Variants in UNC80 observed in about 807,000 individuals in gnomAD.
The protein encoded by UNC80 is protein unc-80 homolog.
UNC80 carries 164 observed loss-of-function variants against 384.6 expected under a neutral mutation model. The observed-to-expected ratio is 0.43, with a 90% CI of 0.38 to 0.49. UNC80 has a LOEUF of 0.49. Ranked by LOEUF, UNC80 falls within the 20% of genes least tolerant of loss-of-function variation. The pLI, the probability that UNC80 is intolerant of heterozygous loss-of-function variation, is 0.00. For synonymous variants in UNC80, 1,486 were observed against 1,527.8 expected, an observed-to-expected ratio of 0.97 and a Z score of 0.64; for missense variants, 3,330 against 4,143.0, an observed-to-expected ratio of 0.80 and a Z score of 5.39.
In UNC80 at chr2:209,969,780, G is replaced by A. The variant is rs2092831235; in HGVS notation, c.8019G>A (p.Glu2673=). 6.4e-7 allele frequency: 1 copy of A among 1,551,604 alleles called. No homozygotes were observed. The highest frequency in any genetic ancestry group is 8.7e-7 in the Non-Finnish European group (1 of 1,146,992). Residue 2673 remains glutamate, a synonymous_variant, in exon 53 of 65, where the codon GAG becomes GAA. Coordinates refer to ENST00000673920, the MANE Select transcript of UNC80 (RefSeq NM_001371986.1). ...TATTGTATTCCAGGCGACAGGTTGA[G>A]TGGGAGCCTGCCAGCAATTTGATTG... ...HKMPTLRRQV[E]WEPASNLIEG...
chr2:209,829,255 A>C lies in UNC80; in HGVS notation c.2502A>C (p.Leu834=). Residue 834 remains leucine (L), a synonymous_variant, in exon 15 of 65, where the codon CTA becomes CTC. Coordinates refer to ENST00000673920, the MANE Select transcript of UNC80 (RefSeq NM_001371986.1). ...AGGCCCAGAACTGCCTCACTAAGCTATACAAGCTAGATAAGATGCAGTTCC... is the reference window on the plus strand; with the variant it reads ...AGGCCCAGAACTGCCTCACTAAGCTCTACAAGCTAGATAAGATGCAGTTCC... The part of the protein sequence containing the change: ...RENAQNCLTK[L]YKLDKMQFRQ... 1 of 1,551,372 alleles carries C rather than the reference A, an allele frequency of 6.4e-7. No individual in the cohort carries two copies. The highest frequency in any genetic ancestry group is 8.7e-7 in the Non-Finnish European group (1 of 1,146,736).
intron 18 of UNC80, among the ~76,000 whole-genome samples, chr2:209,838,805 CA>C (rs1321111787): frequency 6.6e-6 from 1 of 152,020 alleles, no homozygotes; most frequent in South Asian, 2.1e-4. Context: ...ACTAAAAATA[CA>C]AAAAATTAGC....
At chr2:209,876,538 G>A (rs137879721) in intron 23 of UNC80, among the ~76,000 whole-genome samples, 2 of 152,138 alleles carry the variant, frequency 1.3e-5, no homozygotes, top group African/African-American at 4.8e-5. Flanking sequence ...TATAAACTGT[G>A]GACTTAATTT....
intron 13 of UNC80, among the ~76,000 whole-genome samples, chr2:209,823,445 G>A (rs2080279954): frequency 6.6e-6 from 1 of 152,094 alleles, no homozygotes; most frequent in Non-Finnish European, 1.5e-5. Flanking sequence ...CCTTTACAGA[G>A]CCCTCTACAC....
intron 20 of UNC80, among the ~76,000 whole-genome samples, chr2:209,841,050 CA>C (rs2081705852): frequency 6.6e-6 from 1 of 151,348 alleles, no homozygotes; most frequent in Non-Finnish European, 1.5e-5. Flanking sequence ...CTACTTTTGG[CA>C]CCATGTGAAC....
At chr2:209,882,629 G>A (rs1360376822) in intron 25 of UNC80, among the ~76,000 whole-genome samples, 1 of 152,044 alleles carries the variant, frequency 6.6e-6, no homozygotes, top group East Asian at 1.9e-4. Flanking sequence ...ATTATATTGA[G>A]ACTACTCTGT....
At chr2:209,867,359 G>A (rs34038887) in intron 22 of UNC80, among the ~76,000 whole-genome samples, 26,357 of 151,892 alleles carry the variant, frequency 0.17, 3,137 homozygotes, top group African/African-American at 0.33. Context: ...CATTTATTTT[G>A]TCAGACACCT....
At chr2:209,951,299 CT>C in intron 47 of UNC80, among the ~76,000 whole-genome samples, 1 of 73,476 alleles carries the variant, frequency 1.4e-5, no homozygotes, top group East Asian at 3.2e-4. Context: ...CTTTTTTTTT[CT>C]CTCTCTCTCT....
chr2:209,840,564 C>G lies in UNC80; in HGVS notation c.3273C>G (p.Ser1091=). 6.4e-7 allele frequency: 1 copy of G among 1,551,696 alleles called. No individual in the cohort carries two copies. The highest frequency in any genetic ancestry group is 8.7e-7 in the Non-Finnish European group (1 of 1,146,928). Residue 1091 remains serine, a synonymous_variant, in exon 20 of 65, where the codon TCC becomes TCG. Transcript: ENST00000673920. The stretch of plus-strand genomic sequence containing the variant: ...TAGGGAACTGGCTGAAGAGATCATC[C>G]CTCTCAGGCCTGGCAGATGGTGTGG... ...LPIGNWLKRS[S]LSGLADGVED...
Position 209,850,054 on chromosome 2 carries a change from C to T in UNC80, c.3627+431C>T, listed in dbSNP as rs532093703. ...ATTATATTATTGGTCTTATGTCTGC[C>T]ATGTATTAGTCCTTTAAGCTCACCA... On this transcript the variant is annotated intron_variant, in intron 22 of 64. Coordinates refer to ENST00000673920, the MANE Select transcript of UNC80 (RefSeq NM_001371986.1). Among the ~76,000 whole-genome samples, 13 of 152,126 alleles carry T rather than the reference C, an allele frequency of 8.5e-5. No homozygotes were observed. In the South Asian group the frequency reaches 2.7e-3, roughly 32 times the overall value.
At chr2:209,855,316 G>A (rs2082827110) in intron 22 of UNC80, among the ~76,000 whole-genome samples, 1 of 152,036 alleles carries the variant, frequency 6.6e-6, no homozygotes, top group African/African-American at 2.4e-5. Context: ...TAGGGGGGCA[G>A]GGGAAGGGAG....
chr2:209,917,373 A>G (rs1336244896), intron 31 of UNC80, among the ~76,000 whole-genome samples: 1 of 152,214 alleles, frequency 6.6e-6, no homozygotes, highest in African/African-American at 2.4e-5. Context: ...TGGAATTTTT[A>G]AAGTGTAGCT....
rs1271766753 is a variant in UNC80, at chr2:209,831,552, C to T, written c.2736C>T (p.Cys912=). The T allele has an allele frequency of 7.7e-6, 12 of 1,549,994 alleles. No individual in the cohort carries two copies. The highest frequency in any genetic ancestry group is 3.9e-5 in the Admixed American group (2 of 50,722). ...SAMFKSLITR[C]ASTTHELHSP... ...TGTTTAAATCCCTCATCACACGCTG[C>T]GCTTCAACCACACATGAATTGCACA... The change falls in exon 16 of 65, where the codon TGC becomes TGT. Residue 912 remains cysteine (C), a synonymous_variant. Coordinates refer to ENST00000673920, the MANE Select transcript of UNC80 (RefSeq NM_001371986.1).
intron 2 of UNC80, among the ~76,000 whole-genome samples, chr2:209,775,164 T>C (rs982260188): frequency 3.3e-5 from 5 of 152,184 alleles, no homozygotes; most frequent in Non-Finnish European, 7.3e-5. Context: ...AATAATTAAG[T>C]AGGTCAGAGT....
In UNC80 at chr2:209,789,572, T is replaced by C. The variant is rs145935313; in HGVS notation, c.765T>C (p.Cys255=). The C allele has an allele frequency of 8.4e-4, 1,363 of 1,613,506 alleles. 7 individuals are homozygous for C. The Middle Eastern group carries it at 0.018, about 22-fold the overall frequency. The change falls in exon 6 of 65, where the codon TGT becomes TGC. Residue 255 remains cysteine, a synonymous_variant. Coordinates refer to ENST00000673920, the MANE Select transcript of UNC80 (RefSeq NM_001371986.1). ...SSPINSQSRT[C]ESPNQDARHL... ...CTATCAACAGTCAAAGCCGGACCTG[T>C]GAATCACCAAATCAAGATGCAAGAC...
In UNC80 at chr2:209,896,850, C is replaced by T. The variant is rs192710548; in HGVS notation, c.4581+437C>T. Among the ~76,000 whole-genome samples the T allele has an allele frequency of 1.8e-3, 275 of 152,104 alleles. 1 individual carries two copies. The highest frequency in any genetic ancestry group is 3.3e-3 in the Non-Finnish European group (223 of 67,984). On this transcript the variant is annotated intron_variant, in intron 28 of 64. Coordinates refer to ENST00000673920, the MANE Select transcript of UNC80 (RefSeq NM_001371986.1). ...TCTAAGATGGTGAATGTCGTATGTC[C>T]GAGGGTGAGCCAGAGGGCACAGGCA...
intron 22 of UNC80, among the ~76,000 whole-genome samples, chr2:209,868,015 C>T (rs576390585): frequency 6.6e-6 from 1 of 152,168 alleles, no homozygotes; most frequent in Non-Finnish European, 1.5e-5. Flanking sequence ...GCCTTCCAGA[C>T]CATGTGCTAA....
intron 38 of UNC80, among the ~76,000 whole-genome samples, chr2:209,933,386 C>G (rs1215724925): frequency 2.7e-5 from 4 of 150,102 alleles, no homozygotes; most frequent in African/African-American, 9.8e-5. Flanking sequence ...AATTTAGAAA[C>G]AAAAAAAAAG....
rs180931906 is a variant in UNC80, at chr2:209,868,672, C to T, written c.3628-4086C>T. Among the ~76,000 whole-genome samples, 275 of 152,276 alleles carry T rather than the reference C, an allele frequency of 1.8e-3. 1 individual carries two copies. The highest frequency in any genetic ancestry group is 6.4e-3 in the African/African-American group (266 of 41,558). On this transcript the variant is annotated intron_variant, in intron 22 of 64. Coordinates refer to ENST00000673920, the MANE Select transcript of UNC80 (RefSeq NM_001371986.1). ...ACTCCTGATGTTTTCTACCTGTAGA[C>T]TGTAAGAGACTCCCATGCTGTGCAA...
Sources: gnomAD v4.1 joint callset for allele counts (sites outside exome capture counted in the v4.1 genomes callset) on GRCh38, gnomAD v4.1.1 for gene constraint, MANE v1.5 for transcripts, NCBI Gene and HGNC (gene_info 2026-07-23, HGNC 2026-07-21) for gene names.